Variants in SIDT1 observed in about 807,000 individuals in gnomAD.
SIDT1 encodes the protein SID1 transmembrane family member 1, also known as SID1 transmembrane family, member 1.
In SIDT1, 101 loss-of-function variants were observed where a neutral mutation model predicts 107.5. The observed-to-expected ratio is 0.94, with a 90% CI of 0.80 to 1.11. SIDT1 has a LOEUF of 1.11. Among genes scored for constraint, SIDT1 ranks in the 50% least tolerant of loss-of-function variants. The pLI is 0.00. For synonymous variants in SIDT1, 395 were observed against 398.2 expected (o/e 0.99, Z 0.10); for missense variants, 1,076 against 1,058.2 (o/e 1.02, Z -0.23).
At chr3:113,542,251 G>A (rs1024110643) in intron 1 of SIDT1, among the ~76,000 whole-genome samples, 1 of 152,068 alleles carries the variant, frequency 6.6e-6, no homozygotes, top group Non-Finnish European at 1.5e-5. Context: ...CCAGGTATGT[G>A]ATGTAACTTT....
At chr3:113,623,192 T>TAAAA (rs61454117) in intron 21 of SIDT1, among the ~76,000 whole-genome samples, 8 of 53,808 alleles carry the variant, frequency 1.5e-4, no homozygotes, top group African/African-American at 6.5e-4. Flanking sequence ...CCCCAACTCT[T>TAAAA]AAAAAAAAAA....
At chr3:113,607,377 C>T (rs1268197528) in intron 15 of SIDT1, among the ~76,000 whole-genome samples, 2 of 152,200 alleles carry the variant, frequency 1.3e-5, no homozygotes, top group Non-Finnish European at 2.9e-5. Flanking sequence ...GCTCTGGTGG[C>T]ATTTGTTCAC....
chr3:113,588,451 A>C (rs568783388), intron 9 of SIDT1, among the ~76,000 whole-genome samples: 1 of 152,332 alleles, frequency 6.6e-6, no homozygotes, highest in African/African-American at 2.4e-5. Context: ...GAGTCCCTTA[A>C]ACCCTATTAC....
rs554009768 is a variant in SIDT1 at position 113,545,114 on chromosome 3, T to TAAAAAAAAAAAAAAA, written c.222+11884_222+11898dup. ...CGGGCGACAGAGCGAGAGACTCTGT[T>TAAAAAAAAAAAAAAA]AAAAAAAAAAAAAAAAAAAAAAAAA... On this transcript the variant is annotated intron_variant, in intron 1 of 24. Transcript: ENST00000264852. 4.1e-5 allele frequency among the ~76,000 whole-genome samples: 3 copies of TAAAAAAAAAAAAAAA among 73,968 alleles called. 1 individual carries two copies. Among genetic ancestry groups the TAAAAAAAAAAAAAAA allele is most frequent in the East Asian group, 8.8e-4 (2 of 2,284 alleles). The allele number at this position is 73,968 out of a possible 152,430, so 48.5% of individuals were successfully genotyped here.
chr3:113,608,678 G>C (rs1251104975), intron 17 of SIDT1, 142 bp downstream of exon 17: 1 of 666,038 alleles, frequency 1.5e-6, no homozygotes, highest in African/African-American at 1.8e-5. Context: ...CCTCCACACA[G>C]AGCATGACCT....
At chr3:113,631,077 A>G (rs1947090178), downstream of SIDT1, among the ~76,000 whole-genome samples, 1 of 131,598 alleles carries the variant, frequency 7.6e-6, no homozygotes, top group Admixed American at 7.3e-5. Context: ...TCCTTATTCC[A>G]ACTGAGATGA....
intron 21 of SIDT1, 66 bp downstream of exon 21, chr3:113,619,792 C>A: frequency 7.3e-7 from 1 of 1,377,340 alleles, no homozygotes; most frequent in Non-Finnish European, 1.0e-6. Context: ...GTTTAGCTTT[C>A]CTTGACTGTC....
At chr3:113,593,427 G>C (rs566693223) in intron 10 of SIDT1, among the ~76,000 whole-genome samples, 1 of 152,280 alleles carries the variant, frequency 6.6e-6, no homozygotes, top group Admixed American at 6.5e-5. Context: ...TCTGGGTTGC[G>C]TGCTCCTTAT....
At chr3:113,585,681 A>G (rs1943692588) in intron 9 of SIDT1, among the ~76,000 whole-genome samples, 1 of 152,232 alleles carries the variant, frequency 6.6e-6, no homozygotes, top group Non-Finnish European at 1.5e-5. Context: ...AAGTAAATGT[A>G]ATGCCTAAAA....
chr3:113,579,113 A>C (rs995205471), intron 4 of SIDT1, among the ~76,000 whole-genome samples: 2 of 152,220 alleles, frequency 1.3e-5, no homozygotes, highest in Non-Finnish European at 2.9e-5. Flanking sequence ...AGGAGTTAGA[A>C]GCAGGTTGCA....
intron 1 of SIDT1, among the ~76,000 whole-genome samples, chr3:113,544,068 G>GA (rs1298056883): frequency 6.6e-6 from 1 of 151,764 alleles, no homozygotes; most frequent in African/African-American, 2.4e-5. Flanking sequence ...GTCTTTTAAT[G>GA]AAAAAAGGTT....
At chr3:113,551,612 A>T (rs776490574) in intron 1 of SIDT1, among the ~76,000 whole-genome samples, 4 of 152,212 alleles carry the variant, frequency 2.6e-5, no homozygotes, top group Admixed American at 6.5e-5. Context: ...ACTCCCTTAC[A>T]ATTACTGAAA....
downstream of SIDT1, among the ~76,000 whole-genome samples, chr3:113,632,178 A>C (rs1947099297): frequency 6.6e-6 from 1 of 152,206 alleles, no homozygotes. Flanking sequence ...AAATCAACAG[A>C]TTTAAACAGT....
chr3:113,548,442 G>C (rs1939845609), intron 1 of SIDT1, among the ~76,000 whole-genome samples: 1 of 151,868 alleles, frequency 6.6e-6, no homozygotes, highest in Non-Finnish European at 1.5e-5. Context: ...TATTTTTACT[G>C]TCTCTCTAGT....
intron 10 of SIDT1, among the ~76,000 whole-genome samples, chr3:113,597,872 T>C (rs530671557): frequency 6.6e-6 from 1 of 152,358 alleles, no homozygotes; most frequent in South Asian, 2.1e-4. Context: ...TATTTTGTGT[T>C]GAATTATGCT....
chr3:113,534,439 G>A (rs781449416), intron 1 of SIDT1, among the ~76,000 whole-genome samples: 1 of 152,174 alleles, frequency 6.6e-6, no homozygotes, highest in Non-Finnish European at 1.5e-5. Context: ...TGTTACCATG[G>A]CAGCACAGCC....
rs1164728538 is a variant in SIDT1 at position 113,623,480 on chromosome 3, G to T, written c.2144G>T (p.Gly715Val). 6.2e-7 allele frequency: 1 copy of T among 1,614,098 alleles called. No homozygotes were observed. Among genetic ancestry groups the T allele is most frequent in the South Asian group, 1.1e-5 (1 of 91,086 alleles). Residue 715 changes from glycine to valine, a missense_variant, in exon 22 of 25, where the codon GGC becomes GTC. Gly to Val is a moderately radical substitution (Grantham distance 109, BLOSUM62 -3). Transcript: ENST00000264852. ...RPRDFASYML[G>V]IFICNLLLYL... ...AGGGACTTTGCTTCCTACATGCTGG[G>T]CATCTTCATCTGTAACCTTTTGCTG...
chr3:113,620,420 T>C (rs1000248869), intron 21 of SIDT1, among the ~76,000 whole-genome samples: 1 of 152,036 alleles, frequency 6.6e-6, no homozygotes, highest in Admixed American at 6.6e-5. Flanking sequence ...ATTTTATTGA[T>C]CACTCAAACC....
At chr3:113,537,142 G>T (rs900382868) in intron 1 of SIDT1, among the ~76,000 whole-genome samples, 1 of 152,176 alleles carries the variant, frequency 6.6e-6, no homozygotes, top group Non-Finnish European at 1.5e-5. Flanking sequence ...CTTCTCTGAG[G>T]TTTTCCTGTA....
Sources: gnomAD v4.1 joint callset for allele counts (sites outside exome capture counted in the v4.1 genomes callset) on GRCh38, gnomAD v4.1.1 for gene constraint, MANE v1.5 for transcripts, NCBI Gene and HGNC (gene_info 2026-07-23, HGNC 2026-07-21) for gene names.